The following RETREG1 variants were observed in gnomAD, a reference collection of about 807,000 sequenced individuals.
The protein encoded by RETREG1 is family with sequence similarity 134 member B.
In RETREG1, 44 loss-of-function variants were observed where a neutral mutation model predicts 54.8. The ratio of observed to expected loss-of-function variants is 0.80; its 90% confidence interval spans 0.63 to 1.03. RETREG1 has a LOEUF of 1.03. Among genes scored for constraint, RETREG1 ranks in the 50% least tolerant of loss-of-function variants. The pLI is 0.00. For synonymous variants in RETREG1, 217 were observed against 238.5 expected (o/e 0.91, Z 0.83); for missense variants, 554 against 605.1 (o/e 0.92, Z 0.89).
intron 3 of RETREG1, among the ~76,000 whole-genome samples, chr5:16,518,221 CTA>C (rs1253042983): frequency 6.8e-6 from 1 of 146,292 alleles, no homozygotes; most frequent in Non-Finnish European, 1.5e-5. Flanking sequence ...AATATATTGA[CTA>C]TATATTTATA....
chr5:16,569,915 C>T (rs1561124198), intron 2 of RETREG1, among the ~76,000 whole-genome samples: 3 of 152,174 alleles, frequency 2.0e-5, no homozygotes, highest in South Asian at 4.1e-4. Flanking sequence ...TGCAGTGATG[C>T]GGCTGCAAGC....
chr5:16,514,812 G>A (rs1374556944), intron 3 of RETREG1, among the ~76,000 whole-genome samples: 1 of 151,304 alleles, frequency 6.6e-6, no homozygotes, highest in African/African-American at 2.4e-5. Context: ...GTTACTTCAC[G>A]TAGAATAACG....
chr5:16,599,207 A>G (rs1742984217), intron 1 of RETREG1, among the ~76,000 whole-genome samples: 1 of 152,198 alleles, frequency 6.6e-6, no homozygotes, highest in African/African-American at 2.4e-5. Flanking sequence ...ACCCTGTCTC[A>G]ATAAAAAGGA....
chr5:16,600,530 C>A (rs111894220), intron 1 of RETREG1, among the ~76,000 whole-genome samples: 49 of 152,328 alleles, frequency 3.2e-4, no homozygotes, highest in South Asian at 4.1e-4. Flanking sequence ...GGGACCCCCA[C>A]GTGTTCATCA....
Position 16,521,762 on chromosome 5 carries a change from T to C in RETREG1, c.459-38290A>G, listed in dbSNP as rs573736377. 7.2e-5 allele frequency among the ~76,000 whole-genome samples: 11 copies of C among 152,350 alleles called. No homozygotes were observed. In the East Asian group the frequency reaches 2.1e-3, roughly 29 times the overall value. On this transcript the variant is annotated intron_variant, in intron 3 of 8. Transcript: ENST00000306320. ...TTCTGTTACACGTCGATCTTCCTTA[T>C]TGCACTCTGCTGATGTCAGGTTTAA...
intron 3 of RETREG1, among the ~76,000 whole-genome samples, chr5:16,543,474 G>A (rs564248332): frequency 9.9e-5 from 15 of 152,170 alleles, no homozygotes; most frequent in African/African-American, 2.9e-4. Flanking sequence ...TCAGGAGTTC[G>A]AAACCAGTCT....
chr5:16,566,255 G>A (rs1303861512), intron 2 of RETREG1, among the ~76,000 whole-genome samples: 3 of 152,146 alleles, frequency 2.0e-5, no homozygotes, highest in Non-Finnish European at 2.9e-5. Flanking sequence ...ACATGGTGCC[G>A]ACAAAAGGAG....
Position 16,616,700 on chromosome 5 carries a change from CT to C in RETREG1, c.271del (p.Arg91GlyfsTer21). The C allele has an allele frequency of 6.3e-7, 1 of 1,594,212 alleles. No individual in the cohort carries two copies. The highest frequency in any genetic ancestry group is 8.5e-7 in the Non-Finnish European group (1 of 1,176,954). ...GAAGCCGAGCAGGCTCCGCAGCGGC[CT>C]CTTCCAGCTCAGCAGCTCGTCGGCG... ...CRADELLSWK[R>X]PLRSLLGFVA... On this transcript the variant is annotated frameshift_variant, in exon 1 of 9. Transcript: ENST00000306320. LOFTEE classifies it high-confidence loss of function.
At chr5:16,578,331 T>C (rs1185601772) in intron 1 of RETREG1, among the ~76,000 whole-genome samples, 2 of 152,256 alleles carry the variant, frequency 1.3e-5, no homozygotes, top group African/African-American at 4.8e-5. Context: ...ATTTGCTAGA[T>C]TTATAAACAA....
At chr5:16,554,823 C>T (rs531264624) in intron 3 of RETREG1, among the ~76,000 whole-genome samples, 2 of 152,234 alleles carry the variant, frequency 1.3e-5, no homozygotes, top group African/African-American at 2.4e-5. Flanking sequence ...CAAAATAAAA[C>T]AAAACTTACT....
intron 3 of RETREG1, among the ~76,000 whole-genome samples, chr5:16,544,888 A>G (rs955580377): frequency 2.6e-5 from 4 of 152,214 alleles, no homozygotes; most frequent in Non-Finnish European, 4.4e-5. Context: ...TCAGACTCCA[A>G]AGTTTCTTCC....
At chr5:16,508,666 C>A (rs1349675710) in intron 3 of RETREG1, 29 of 1,613,116 alleles carry the variant, frequency 1.8e-5, no homozygotes, top group Non-Finnish European at 2.5e-5. Flanking sequence ...CTGCTAACCA[C>A]GGCTAATGTG....
intron 3 of RETREG1, among the ~76,000 whole-genome samples, chr5:16,487,056 G>A (rs1302461110): frequency 6.6e-6 from 1 of 152,166 alleles, no homozygotes; most frequent in African/African-American, 2.4e-5. Flanking sequence ...TTTCCATGGT[G>A]TGTAGCTGTC....
chr5:16,537,384 C>T (rs1741104440), intron 3 of RETREG1, among the ~76,000 whole-genome samples: 1 of 152,206 alleles, frequency 6.6e-6, no homozygotes, highest in African/African-American at 2.4e-5. Flanking sequence ...CTCAGCACAG[C>T]TACCAGCTGC....
At chr5:16,521,551 A>G (rs752580948) in intron 3 of RETREG1, among the ~76,000 whole-genome samples, 3 of 152,226 alleles carry the variant, frequency 2.0e-5, no homozygotes, top group Non-Finnish European at 2.9e-5. Context: ...CACTGCTCTT[A>G]GCAAACGTAA....
chr5:16,512,298 T>C (rs114007201), intron 3 of RETREG1, among the ~76,000 whole-genome samples: 5,115 of 152,102 alleles, frequency 0.034, 301 homozygotes, highest in African/African-American at 0.12. Context: ...AGGAGTCACC[T>C]CTCCAGGTCA....
chr5:16,572,102 C>T lies in RETREG1; in HGVS notation c.321G>A (p.Trp107Ter), dbSNP rs200065908. ...CTCTCCATGGAGTCAATGCAAGGAA[C>T]CTGCAACAGCGAAACACAAATCAGT... is the stretch of plus-strand genomic sequence containing the variant. ...LGFVAANLLF[W>*]FLALTPWRVY... The change falls in exon 2 of 9, where the codon TGG becomes TGA. Residue 107 changes from tryptophan to a stop codon, truncating the protein, a stop_gained and splice_region_variant. Coordinates refer to ENST00000306320, the MANE Select transcript of RETREG1 (RefSeq NM_001034850.3). LOFTEE classifies it high-confidence loss of function. 3.1e-6 allele frequency: 5 copies of T among 1,603,190 alleles called. No individual in the cohort carries two copies. Among genetic ancestry groups the T allele is most frequent in the South Asian group, 2.2e-5 (2 of 90,868 alleles).
At chr5:16,514,672 C>A (rs1740288115) in intron 3 of RETREG1, among the ~76,000 whole-genome samples, 1 of 151,662 alleles carries the variant, frequency 6.6e-6, no homozygotes, top group Admixed American at 6.6e-5. Flanking sequence ...AGTCTTTTAT[C>A]CCTCACCTCC....
chr5:16,480,305 T>A (rs1738711251), intron 5 of RETREG1, among the ~76,000 whole-genome samples: 1 of 152,156 alleles, frequency 6.6e-6, no homozygotes, highest in Admixed American at 6.5e-5. Context: ...TAGTGTTGTA[T>A]GTATCCATTT....
Sources: gnomAD v4.1 joint callset for allele counts (sites outside exome capture counted in the v4.1 genomes callset) on GRCh38, gnomAD v4.1.1 for gene constraint, MANE v1.5 for transcripts, NCBI Gene and HGNC (gene_info 2026-07-23, HGNC 2026-07-21) for gene names.